The following UGT2B7 variants were observed in gnomAD, a reference collection of about 807,000 sequenced individuals.
UGT2B7 encodes UDP glucuronosyltransferase family 2 member B7, also known as UDP-glucuronosyltransferase 2B7.
Under a neutral mutation model 51.9 loss-of-function variants are expected in UGT2B7, and 51 were observed. That is an observed-to-expected ratio of 0.98 (90% CI 0.78 to 1.24). UGT2B7 has a LOEUF of 1.24. UGT2B7 is among the 50% of genes most tolerant of loss of function. The pLI is 0.00. For missense variants in UGT2B7, 727 were observed against 628.4 expected (o/e 1.16, Z -1.68); for synonymous variants, 225 against 211.6 (o/e 1.06, Z -0.55).
chr4:69,080,820 G>A (rs898829244), intron 1 of UGT2B7, among the ~76,000 whole-genome samples: 1 of 151,940 alleles, frequency 6.6e-6, no homozygotes, highest in African/African-American at 2.4e-5. Context: ...AAATAAATGC[G>A]ATTCAACTTA....
At position 69,112,641 on chromosome 4, in the gene UGT2B7, G is replaced by T; in HGVS notation, c.1495G>T (p.Val499Phe). 1 of 1,613,930 alleles carries T rather than the reference G, an allele frequency of 6.2e-7. No individual in the cohort carries two copies. The highest frequency in any genetic ancestry group is 8.5e-7 in the Non-Finnish European group (1 of 1,179,888). ...HSLDVIGFLLVCVATVIFIVT... is the reference protein window; with the variant it reads ...HSLDVIGFLLFCVATVIFIVT... ...TTTGGATGTGATTGGGTTCCTGCTG[G>T]TCTGTGTGGCAACTGTGATATTTAT... The change falls in exon 6 of 6, where the codon GTC becomes TTC. Residue 499 changes from valine (V) to phenylalanine (F), a missense_variant. Val to Phe is a conservative substitution (Grantham distance 50, BLOSUM62 -1). Transcript: ENST00000305231.
chr4:69,078,040 GTT>G (rs981131733), intron 1 of UGT2B7, among the ~76,000 whole-genome samples: 1 of 151,666 alleles, frequency 6.6e-6, no homozygotes, highest in East Asian at 1.9e-4. Flanking sequence ...AGACAATCAT[GTT>G]TTTTTTGGTT....
intron 1 of UGT2B7, among the ~76,000 whole-genome samples, chr4:69,070,106 G>A (rs888525181): frequency 4.0e-5 from 6 of 150,928 alleles, no homozygotes; most frequent in African/African-American, 1.2e-4. Context: ...GCTTATCTAC[G>A]TATATTTTTT....
At chr4:69,087,340 G>A (rs1218417344) in intron 1 of UGT2B7, among the ~76,000 whole-genome samples, 1 of 151,800 alleles carries the variant, frequency 6.6e-6, no homozygotes, top group Non-Finnish European at 1.5e-5. Flanking sequence ...ACATAATTTT[G>A]TCTTCCACAT....
intron 1 of UGT2B7, among the ~76,000 whole-genome samples, chr4:69,057,232 G>A (rs1718224994): frequency 6.6e-6 from 1 of 152,150 alleles, no homozygotes. Context: ...TGTATTTGGG[G>A]AGCTCAGATT....
At chr4:69,081,334 T>G (rs1042293712) in intron 1 of UGT2B7, among the ~76,000 whole-genome samples, 1 of 145,186 alleles carries the variant, frequency 6.9e-6, no homozygotes. Flanking sequence ...AATCTCATAC[T>G]TGGTTTCCTA....
At chr4:69,092,100 C>T (rs988308922), upstream of UGT2B7, among the ~76,000 whole-genome samples, 4 of 152,016 alleles carry the variant, frequency 2.6e-5, no homozygotes, top group African/African-American at 7.2e-5. Context: ...CACACCTGGT[C>T]AATTTTTTTG....
chr4:69,070,482 C>T (rs1424456400), intron 1 of UGT2B7, among the ~76,000 whole-genome samples: 1 of 148,318 alleles, frequency 6.7e-6, no homozygotes, highest in Non-Finnish European at 1.5e-5. Context: ...TTAAAAATTG[C>T]AAGACAAATT....
At chr4:69,073,526 A>G (rs1367602472) in intron 1 of UGT2B7, among the ~76,000 whole-genome samples, 1 of 152,164 alleles carries the variant, frequency 6.6e-6, no homozygotes, top group African/African-American at 2.4e-5. Flanking sequence ...AAGGTTGATA[A>G]AGGTCAGATA....
Position 69,097,181 on chromosome 4 carries a change from G to A in UGT2B7, c.661G>A (p.Asp221Asn). Residue 221 changes from aspartate (D) to asparagine (N), a missense_variant, in exon 1 of 6, where the codon GAC (aspartate) becomes AAC (asparagine). Coordinates refer to ENST00000305231, the MANE Select transcript of UGT2B7 (RefSeq NM_001074.4). ...AAATATGATCTATGTGCTTTACTTT[G>A]ACTTTTGGTTCGAAATATTTGACAT... ...VKNMIYVLYF[D>N]FWFEIFDMKK... The A allele has an allele frequency of 5.0e-6, 8 of 1,612,748 alleles. No individual in the cohort carries two copies. The South Asian group carries it at 7.7e-5, about 16-fold the overall frequency.
chr4:69,109,050 T>C (rs950099086), intron 5 of UGT2B7, among the ~76,000 whole-genome samples: 1 of 152,094 alleles, frequency 6.6e-6, no homozygotes, highest in Admixed American at 6.5e-5. Context: ...GTTTTTTTTT[T>C]CTGGTTTTAG....
chr4:69,052,828 G>A (rs1718071103), intron 1 of UGT2B7, among the ~76,000 whole-genome samples: 1 of 152,032 alleles, frequency 6.6e-6, no homozygotes, highest in Admixed American at 6.6e-5. Flanking sequence ...TGTGCAAAGT[G>A]TATAAAAAAG....
chr4:69,068,059 G>T (rs1369573811), intron 1 of UGT2B7, among the ~76,000 whole-genome samples: 1 of 151,816 alleles, frequency 6.6e-6, no homozygotes, highest in Non-Finnish European at 1.5e-5. Context: ...TGATATTATG[G>T]AATACAAATA....
upstream of UGT2B7, among the ~76,000 whole-genome samples, chr4:69,094,918 G>T (rs923638272): frequency 2.6e-5 from 4 of 152,180 alleles, no homozygotes; most frequent in Non-Finnish European, 5.9e-5. Context: ...TTCACCAGGA[G>T]TAGATTCCAT....
At chr4:69,083,873 T>A (rs886777725) in intron 1 of UGT2B7, among the ~76,000 whole-genome samples, 58 of 152,144 alleles carry the variant, frequency 3.8e-4, no homozygotes, top group African/African-American at 1.4e-3. Flanking sequence ...CCTTTCTTTT[T>A]TCTCTTGGCT....
intron 1 of UGT2B7, among the ~76,000 whole-genome samples, chr4:69,052,276 C>A (rs1229869054): frequency 1.3e-5 from 2 of 151,740 alleles, no homozygotes; most frequent in East Asian, 1.9e-4. Context: ...CCTTCCCCCC[C>A]AACAGTAGTT....
chr4:69,098,917 G>A (rs1220397466), intron 2 of UGT2B7, among the ~76,000 whole-genome samples: 1 of 151,788 alleles, frequency 6.6e-6, no homozygotes, highest in African/African-American at 2.4e-5. Context: ...TGAAAATAGG[G>A]TTGGTTAAAT....
At chr4:69,099,782 G>A (rs1719366113) in intron 2 of UGT2B7, among the ~76,000 whole-genome samples, 1 of 151,842 alleles carries the variant, frequency 6.6e-6, no homozygotes. Context: ...CTTAACATGT[G>A]CTGGTCACTT....
chr4:69,072,026 G>T (rs1718612592), intron 1 of UGT2B7, among the ~76,000 whole-genome samples: 1 of 152,020 alleles, frequency 6.6e-6, no homozygotes, highest in East Asian at 1.9e-4. Flanking sequence ...AATAATCTTT[G>T]TCTATTCATG....
Sources: allele counts gnomAD v4.1 joint callset (sites outside exome capture counted in the v4.1 genomes callset), GRCh38; gene constraint gnomAD v4.1.1; transcripts MANE v1.5; gene names NCBI Gene and HGNC (gene_info 2026-07-23, HGNC 2026-07-21).